ZFYVE27: variants seen among roughly 807,000 people sequenced by gnomAD.
ZFYVE27 encodes the protein protrudin.
In ZFYVE27, 36 loss-of-function variants were observed where a neutral mutation model predicts 52.8. The ratio of observed to expected loss-of-function variants is 0.68; its 90% confidence interval spans 0.52 to 0.90. The LOEUF (loss-of-function observed/expected upper bound fraction) is 0.90, where lower values mean the gene tolerates loss of function less well. Ranked by LOEUF, ZFYVE27 falls within the 40% of genes least tolerant of loss-of-function variation. ZFYVE27 has a pLI of 0.00. For missense variants in ZFYVE27, 450 were observed against 527.2 expected (o/e 0.85, Z 1.43); for synonymous variants, 223 against 215.6 (o/e 1.03, Z -0.30).
In ZFYVE27 at chr10:97,759,523, G is replaced by A. The variant is rs886047527; in HGVS notation, c.*223G>A. 1 of 616,852 alleles carries A rather than the reference G, an allele frequency of 1.6e-6. No homozygotes were observed. The highest frequency in any genetic ancestry group is 1.8e-5 in the South Asian group (1 of 55,930). 38.2% of individuals were successfully genotyped at this position (616,852 alleles called of 1,614,324 possible). A position where few individuals can be genotyped will look rare whatever the true frequency, so the allele number is the denominator to read the frequency against. On this transcript the variant is annotated 3_prime_UTR_variant, in exon 13 of 13. Transcript: ENST00000684270. ...GCTCTCAATCCCTTGAGGGAGAAGA[G>A]CCCCTGGAGGGCCTGGCATGTTTGT...
Position 97,740,987 on chromosome 10 carries a change from A to C in ZFYVE27, c.198-2107A>C, listed in dbSNP as rs79929304. Among the ~76,000 whole-genome samples the C allele has an allele frequency of 7.1e-3, 1,077 of 152,278 alleles. 13 individuals are homozygous for C. Among genetic ancestry groups the C allele is most frequent in the African/African-American group, 0.025 (1,025 of 41,566 alleles). ...TTGAGTGGTGGTGTTTTTATTTCCAAAATGGGATTGGCTTTTATTTCGCTT... is the reference window on the plus strand; with the variant it reads ...TTGAGTGGTGGTGTTTTTATTTCCACAATGGGATTGGCTTTTATTTCGCTT... On this transcript the variant is annotated intron_variant, in intron 2 of 12. Coordinates refer to ENST00000684270, the MANE Select transcript of ZFYVE27 (RefSeq NM_001385875.1).
Position 97,744,840 on chromosome 10 carries a change from A to T in ZFYVE27, c.380A>T (p.Tyr127Phe). ...LPDSELMRRK[Y>F]HSVRQEDLQR... ...GATTCCGAGCTGATGCGGAGGAAGT[A>T]TCATAGCGTGAGGCAGGAGGACCTG... is the stretch of plus-strand genomic sequence containing the variant. The change falls in exon 4 of 13, where the codon TAT becomes TTT. Residue 127 changes from tyrosine (Y) to phenylalanine (F), a missense_variant. Coordinates refer to ENST00000684270, the MANE Select transcript of ZFYVE27 (RefSeq NM_001385875.1). The T allele has an allele frequency of 5.0e-6, 8 of 1,613,614 alleles. No individual in the cohort carries two copies. Among genetic ancestry groups the T allele is most frequent in the Non-Finnish European group, 5.9e-6 (7 of 1,179,866 alleles).
In ZFYVE27 at chr10:97,753,097, G is replaced by A. The variant is rs142856838; in HGVS notation, c.957G>A (p.Gly319=). The change falls in exon 10 of 13, where the codon GGG becomes GGA. Residue 319 remains glycine (G), a synonymous_variant. Coordinates refer to ENST00000684270, the MANE Select transcript of ZFYVE27 (RefSeq NM_001385875.1). ...AEDELALQDN[G]FLSKNEVLRS... ...ATGAGCTGGCCCTGCAGGACAACGG[G>A]TTCCTGAGCAAGAATGAGGTGCTGC... 9.9e-6 allele frequency: 16 copies of A among 1,611,562 alleles called. No homozygotes were observed. The African/African-American group carries it at 1.5e-4, about 15-fold the overall frequency.
chr10:97,738,041 T>G (rs10786369), intron 1 of ZFYVE27, among the ~76,000 whole-genome samples: 78,488 of 152,068 alleles, frequency 0.52, 21,513 homozygotes, highest in Middle Eastern at 0.62. Context: ...AGAAGCGATG[T>G]GATGTGATAA....
chr10:97,754,898 G>A, intron 10 of ZFYVE27: 1 of 1,183,802 alleles, frequency 8.4e-7, no homozygotes, highest in South Asian at 1.4e-5. Flanking sequence ...ATAACCTGAG[G>A]TAAAAAGAGT....
intron 10 of ZFYVE27, chr10:97,754,632 C>A: frequency 7.8e-7 from 1 of 1,281,184 alleles, no homozygotes. Context: ...TTTATTTATG[C>A]TGCCTGCTGA....
At chr10:97,757,597 T>G (rs768462330) in intron 11 of ZFYVE27, 45 bp from the exon 12 acceptor site, 1 of 1,595,606 alleles carries the variant, frequency 6.3e-7, no homozygotes, top group Non-Finnish European at 8.6e-7. Flanking sequence ...GAACTCCAGG[T>G]ACCTGAGGGT....
rs999531622 is a variant in ZFYVE27, at chr10:97,760,659, C to T, written c.*1359C>T. ...CAGGCTGGGGAGGCAAGGGACCCAT[C>T]CTAGGCCCGCTTTCTTGCCGAGCCA... is the stretch of plus-strand genomic sequence containing the variant. On this transcript the variant is annotated 3_prime_UTR_variant, in exon 13 of 13. Coordinates refer to ENST00000684270, the MANE Select transcript of ZFYVE27 (RefSeq NM_001385875.1). 6.6e-6 allele frequency: 1 copy of T among 152,262 alleles called. No homozygotes were observed. Among genetic ancestry groups the T allele is most frequent in the African/African-American group, 2.4e-5 (1 of 41,436 alleles). 9.4% of individuals were successfully genotyped at this position (152,262 alleles called of 1,614,324 possible).
At chr10:97,757,414 T>C in intron 11 of ZFYVE27, 103 bp downstream of exon 11, 1 of 1,554,096 alleles carries the variant, frequency 6.4e-7, no homozygotes, top group African/African-American at 1.4e-5. Context: ...TCGGGTCACA[T>C]TGGGCCTGGC....
chr10:97,756,736 C>T (rs2048439652), intron 10 of ZFYVE27, among the ~76,000 whole-genome samples: 1 of 152,222 alleles, frequency 6.6e-6, no homozygotes, highest in Non-Finnish European at 1.5e-5. Flanking sequence ...CGTGTCTTTA[C>T]AGTTGAGCAT....
At chr10:97,754,004 T>C (rs1203191252) in intron 10 of ZFYVE27, among the ~76,000 whole-genome samples, 2 of 152,058 alleles carry the variant, frequency 1.3e-5, no homozygotes, top group Non-Finnish European at 2.9e-5. Flanking sequence ...CACATACAAT[T>C]ATGGTGGAAA....
chr10:97,742,926 G>T (rs886597689), intron 2 of ZFYVE27, among the ~76,000 whole-genome samples, 168 bp from the exon 3 acceptor site: 1 of 152,078 alleles, frequency 6.6e-6, no homozygotes, highest in African/African-American at 2.4e-5. Flanking sequence ...ACATCTTACC[G>T]CCTCTCCTGG....
At chr10:97,751,705 G>T (rs759739967) in intron 8 of ZFYVE27, among the ~76,000 whole-genome samples, 5 of 152,180 alleles carry the variant, frequency 3.3e-5, no homozygotes, top group Admixed American at 1.3e-4. Context: ...CCTGCTAGGG[G>T]AGCTGGACGA....
intron 2 of ZFYVE27, among the ~76,000 whole-genome samples, chr10:97,739,814 T>C (rs1251727257): frequency 6.6e-6 from 1 of 152,186 alleles, no homozygotes; most frequent in Non-Finnish European, 1.5e-5. Flanking sequence ...CCGAGATTTG[T>C]CTGGTTTCTT....
At chr10:97,738,824 A>G in intron 2 of ZFYVE27, 150 bp downstream of exon 2, 1 of 818,960 alleles carries the variant, frequency 1.2e-6, no homozygotes, top group Non-Finnish European at 2.0e-6. Flanking sequence ...CTCTGGGTTT[A>G]TCTAGGCCTA....
At position 97,760,358 on chromosome 10, in the gene ZFYVE27, C is replaced by G. The variant is rs2049297289; in HGVS notation, c.*1058C>G. The G allele has an allele frequency of 6.6e-6, 1 of 152,240 alleles. No homozygotes were observed. The allele number at this position is 152,240 out of a possible 1,614,324, so 9.4% of individuals were successfully genotyped here. ...CATTTCTTTCCAACAGTTTCATGTT[C>G]ACTACTGGACTCTTACGGGCTCAGT... On this transcript the variant is annotated 3_prime_UTR_variant, in exon 13 of 13. Coordinates refer to ENST00000684270, the MANE Select transcript of ZFYVE27 (RefSeq NM_001385875.1).
chr10:97,751,490 A>G (rs1372684403), intron 8 of ZFYVE27, 28 bp downstream of exon 8: 1 of 1,611,068 alleles, frequency 6.2e-7, no homozygotes, highest in Non-Finnish European at 8.5e-7. Context: ...AGCATCCTCT[A>G]CTCAGCAGGC....
intron 2 of ZFYVE27, among the ~76,000 whole-genome samples, chr10:97,739,517 C>T (rs2043020240): frequency 6.6e-6 from 1 of 152,070 alleles, no homozygotes; most frequent in Non-Finnish European, 1.5e-5. Flanking sequence ...ATTCTACTCC[C>T]TAAATATGTC....
Position 97,741,205 on chromosome 10 carries a change from G to T in ZFYVE27, c.198-1889G>T, listed in dbSNP as rs533266374. Among the ~76,000 whole-genome samples the T allele has an allele frequency of 2.6e-5, 4 of 152,274 alleles. No homozygotes were observed. The East Asian group carries it at 5.8e-4, about 22-fold the overall frequency. ...CAACCATTGTGGAAGACAATGTGGCGATTCCTCAAGGATCTGGAAGCAGAA... is the reference window on the plus strand; with the variant it reads ...CAACCATTGTGGAAGACAATGTGGCTATTCCTCAAGGATCTGGAAGCAGAA... On this transcript the variant is annotated intron_variant, in intron 2 of 12. Coordinates refer to ENST00000684270, the MANE Select transcript of ZFYVE27 (RefSeq NM_001385875.1).
Sources: gnomAD v4.1 joint callset for allele counts (sites outside exome capture counted in the v4.1 genomes callset) on GRCh38, gnomAD v4.1.1 for gene constraint, MANE v1.5 for transcripts, NCBI Gene and HGNC (gene_info 2026-07-23, HGNC 2026-07-21) for gene names.